The following ULK4 variants were observed in gnomAD, a reference collection of about 807,000 sequenced individuals.
ULK4 encodes unc-51 like kinase 4.
Under a neutral mutation model 160.6 loss-of-function variants are expected in ULK4, and 133 were observed. The observed-to-expected ratio is 0.83, with a 90% CI of 0.72 to 0.96. The LOEUF (loss-of-function observed/expected upper bound fraction) is 0.96, where lower values mean the gene tolerates loss of function less well. Among genes scored for constraint, ULK4 ranks in the 40% least tolerant of loss-of-function variants. The pLI is 0.00. For missense variants in ULK4, 1,580 were observed against 1,499.5 expected, an observed-to-expected ratio of 1.05 and a Z score of -0.89; for synonymous variants, 534 against 539.8, an observed-to-expected ratio of 0.99 and a Z score of 0.15.
chr3:41,375,707 G>A (rs956085696), intron 35 of ULK4, among the ~76,000 whole-genome samples: 6 of 150,174 alleles, frequency 4.0e-5, no homozygotes, highest in Admixed American at 4.0e-4. Context: ...TACCATTCAG[G>A]ACACAGGCAT....
Position 41,624,564 on chromosome 3 carries a change from T to G in ULK4, c.3072-8847A>C, listed in dbSNP as rs555742505. 6.6e-5 allele frequency among the ~76,000 whole-genome samples: 10 copies of G among 152,238 alleles called. No homozygotes were observed. The South Asian group carries it at 1.9e-3, about 29-fold the overall frequency. ...TCTCTTTGACTATAAATGCTAACAT[T>G]CCATTCTCACATTCTTCTGAATACA... On this transcript the variant is annotated intron_variant, in intron 30 of 36. Transcript: ENST00000301831.
At chr3:41,402,207 T>C (rs1048788181) in intron 34 of ULK4, among the ~76,000 whole-genome samples, 1 of 152,242 alleles carries the variant, frequency 6.6e-6, no homozygotes, top group Non-Finnish European at 1.5e-5. Context: ...ATTGATCTTG[T>C]ACCCTGAAAA....
At chr3:41,384,911 T>C (rs2081766037) in intron 35 of ULK4, among the ~76,000 whole-genome samples, 1 of 152,096 alleles carries the variant, frequency 6.6e-6, no homozygotes, top group Admixed American at 6.6e-5. Context: ...GAAAATTAGC[T>C]GGGCATGCTG....
chr3:41,494,577 C>T (rs2084916658), intron 32 of ULK4, among the ~76,000 whole-genome samples: 1 of 151,816 alleles, frequency 6.6e-6, no homozygotes, highest in Admixed American at 6.6e-5. Flanking sequence ...AAGTTCTGGC[C>T]AGGACAATTA....
At chr3:41,562,715 A>G (rs2087633816) in intron 32 of ULK4, among the ~76,000 whole-genome samples, 1 of 151,918 alleles carries the variant, frequency 6.6e-6, no homozygotes, top group South Asian at 2.1e-4. Context: ...TTTGCTTGGT[A>G]GATCTTCCTC....
chr3:41,712,949 T>G (rs1451336656), intron 25 of ULK4, among the ~76,000 whole-genome samples: 1 of 151,622 alleles, frequency 6.6e-6, no homozygotes, highest in Non-Finnish European at 1.5e-5. Flanking sequence ...GCTAAGTATG[T>G]AAATATGAAT....
chr3:41,703,968 A>C (rs1575587636), intron 27 of ULK4, among the ~76,000 whole-genome samples: 2 of 152,122 alleles, frequency 1.3e-5, no homozygotes. Context: ...TATCTACGTG[A>C]CCATGAAGGT....
At position 41,829,166 on chromosome 3, in the gene ULK4, A is replaced by C. The variant is rs1225712187; in HGVS notation, c.1764+6698T>G. 4.9e-5 allele frequency among the ~76,000 whole-genome samples: 7 copies of C among 142,294 alleles called. No individual in the cohort carries two copies. The East Asian group carries it at 1.0e-3, about 20-fold the overall frequency. The allele number at this position is 142,294 out of a possible 152,430, so 93.4% of individuals were successfully genotyped here. A position where few individuals can be genotyped will look rare whatever the true frequency, so the allele number is the denominator to read the frequency against. On this transcript the variant is annotated intron_variant, in intron 18 of 36. Transcript: ENST00000301831. ...TAATTCAAGATGGATTAAAGACTTA[A>C]ATGTTAGACCTAAAACCATAAAAAC...
At chr3:41,517,601 T>C (rs766258217) in intron 32 of ULK4, among the ~76,000 whole-genome samples, 4 of 152,346 alleles carry the variant, frequency 2.6e-5, no homozygotes, top group East Asian at 1.9e-4. Context: ...TATTTTGTTA[T>C]AGCAGCAGGA....
At chr3:41,511,023 C>T (rs1185114711) in intron 32 of ULK4, among the ~76,000 whole-genome samples, 5 of 151,874 alleles carry the variant, frequency 3.3e-5, no homozygotes, top group Admixed American at 6.6e-5. Context: ...ATTAGCTGGG[C>T]GTGGTGGCAT....
intron 33 of ULK4, 32 bp from the exon 34 acceptor site, chr3:41,455,627 T>C (rs558814486): frequency 6.2e-7 from 1 of 1,606,452 alleles, no homozygotes; most frequent in Non-Finnish European, 8.5e-7. Flanking sequence ...TGAAAGACGG[T>C]CTTGGTGATT....
chr3:41,506,893 G>C (rs2085411474), intron 32 of ULK4, among the ~76,000 whole-genome samples: 1 of 146,502 alleles, frequency 6.8e-6, no homozygotes, highest in African/African-American at 2.5e-5. Context: ...CTGCCTAGCA[G>C]AATGCGCATT....
chr3:41,937,788 T>C (rs1418833052), intron 3 of ULK4: 2 of 211,276 alleles, frequency 9.5e-6, no homozygotes, highest in South Asian at 1.7e-4. Flanking sequence ...AGCTAATTAA[T>C]AGCTAGTCAA....
In ULK4 at chr3:41,566,138, A is replaced by G. The variant is rs758570566; in HGVS notation, c.3121-8T>C. The G allele has an allele frequency of 1.7e-5, 27 of 1,604,950 alleles. No individual in the cohort carries two copies. In the Admixed American group the frequency reaches 4.6e-4, roughly 27 times the overall value. ...AATGCTCTCCTGATGTTCCTGCAATAGATCATAATTTCCATCATAACCATA... is the reference window on the plus strand; with the variant it reads ...AATGCTCTCCTGATGTTCCTGCAATGGATCATAATTTCCATCATAACCATA... On this transcript the variant is annotated splice_region_variant and splice_polypyrimidine_tract_variant and intron_variant, in intron 31 of 36. Coordinates refer to ENST00000301831, the MANE Select transcript of ULK4 (RefSeq NM_017886.4).
chr3:41,440,521 GTATATT>G (rs2083140392), intron 34 of ULK4, among the ~76,000 whole-genome samples: 1 of 152,010 alleles, frequency 6.6e-6, no homozygotes, highest in African/African-American at 2.4e-5. Flanking sequence ...CTTGGCCATG[GTATATT>G]TATTCTTTCA....
chr3:41,694,915 T>C (rs1042447869), intron 27 of ULK4, among the ~76,000 whole-genome samples: 25 of 152,248 alleles, frequency 1.6e-4, no homozygotes, highest in African/African-American at 5.5e-4. Context: ...TGTGTGTTCA[T>C]ACGCATATGT....
At chr3:41,636,924 A>G (rs2033979065) in intron 30 of ULK4, among the ~76,000 whole-genome samples, 1 of 152,208 alleles carries the variant, frequency 6.6e-6, no homozygotes, top group Non-Finnish European at 1.5e-5. Flanking sequence ...CTCATCACAA[A>G]GGACACACTA....
intron 32 of ULK4, among the ~76,000 whole-genome samples, chr3:41,495,275 A>G (rs889069639): frequency 5.3e-5 from 8 of 152,240 alleles, no homozygotes; most frequent in Admixed American, 4.6e-4. Flanking sequence ...ATAATGCCGC[A>G]TATCTACAAC....
chr3:41,932,792 C>T (rs1228797406), intron 4 of ULK4, among the ~76,000 whole-genome samples: 1 of 152,112 alleles, frequency 6.6e-6, no homozygotes, highest in African/African-American at 2.4e-5. Context: ...ACCTGTAATC[C>T]CAGCACTTTG....
Sources: gnomAD v4.1 joint callset for allele counts (sites outside exome capture counted in the v4.1 genomes callset) on GRCh38, gnomAD v4.1.1 for gene constraint, MANE v1.5 for transcripts, NCBI Gene and HGNC (gene_info 2026-07-23, HGNC 2026-07-21) for gene names.